The following ITGA9 variants were observed in gnomAD, a reference collection of about 807,000 sequenced individuals.
The protein encoded by ITGA9 is integrin alpha-9.
In ITGA9, 56 loss-of-function variants were observed where a neutral mutation model predicts 127.8. The observed-to-expected ratio is 0.44, with a 90% CI of 0.35 to 0.55. ITGA9 has a LOEUF of 0.55. ITGA9 is among the 20% of genes least tolerant of loss of function. ITGA9 has a pLI of 0.00. For missense variants in ITGA9, 1,196 were observed against 1,347.1 expected (o/e 0.89, Z 1.76); for synonymous variants, 508 against 514.5 (o/e 0.99, Z 0.17).
rs35513893 is a variant in ITGA9 at position 37,549,446 on chromosome 3, G to C, written c.1689+6861G>C. 4.3e-3 allele frequency among the ~76,000 whole-genome samples: 657 copies of C among 152,312 alleles called. 3 individuals are homozygous for C. The highest frequency in any genetic ancestry group is 0.027 in the Middle Eastern group (8 of 294). ...TTCAGTGGTTATCGTAAGCTTATTT[G>C]TACAGTATGTGAGATGCAGTTTGTA... On this transcript the variant is annotated intron_variant, in intron 15 of 27. Transcript: ENST00000264741.
At chr3:37,507,955 G>A (rs765598189) in intron 7 of ITGA9, among the ~76,000 whole-genome samples, 3 of 152,216 alleles carry the variant, frequency 2.0e-5, no homozygotes, top group Non-Finnish European at 4.4e-5. Flanking sequence ...CAGTGGCGAT[G>A]CATAGTTCAC....
chr3:37,474,530 C>T (rs890163337), intron 3 of ITGA9, among the ~76,000 whole-genome samples: 2 of 141,824 alleles, frequency 1.4e-5, no homozygotes, highest in Non-Finnish European at 3.3e-5. Context: ...GCTGTGAGTG[C>T]ACAGCCCGAT....
intron 2 of ITGA9, among the ~76,000 whole-genome samples, chr3:37,473,136 C>CAAAAAAA (rs36109791): frequency 1.6e-4 from 11 of 70,770 alleles, no homozygotes; most frequent in African/African-American, 4.8e-4. Context: ...GAGACTGTCT[C>CAAAAAAA]AAAAAAAAAA....
intron 18 of ITGA9, among the ~76,000 whole-genome samples, chr3:37,709,131 C>A (rs544574249): frequency 2.6e-5 from 4 of 152,140 alleles, no homozygotes; most frequent in Admixed American, 6.6e-5. Flanking sequence ...TAATGTTGAC[C>A]TTATAAATTT....
chr3:37,468,222 C>A (rs1698392511), intron 1 of ITGA9, among the ~76,000 whole-genome samples: 1 of 151,952 alleles, frequency 6.6e-6, no homozygotes, highest in South Asian at 2.1e-4. Flanking sequence ...AGCCTGGGTA[C>A]CTGCACCATT....
intron 22 of ITGA9, chr3:37,748,925 A>T (rs965211346): frequency 1.1e-5 from 8 of 730,526 alleles, no homozygotes; most frequent in Non-Finnish European, 1.7e-5. Flanking sequence ...AAAATGAAAG[A>T]CCTCTGGACT....
At chr3:37,669,287 C>CTTG (rs1271564236) in intron 17 of ITGA9, among the ~76,000 whole-genome samples, 1 of 152,208 alleles carries the variant, frequency 6.6e-6, no homozygotes. Context: ...GGGAGGGTGA[C>CTTG]TTGTTAGCCA....
At chr3:37,471,877 A>G (rs191808) in intron 2 of ITGA9, among the ~76,000 whole-genome samples, 11,285 of 152,212 alleles carry the variant, frequency 0.074, 492 homozygotes, top group Admixed American at 0.12. Context: ...AACATGGTGA[A>G]AGCCTATCTC....
intron 15 of ITGA9, among the ~76,000 whole-genome samples, chr3:37,577,445 A>C (rs1348969557): frequency 6.6e-6 from 1 of 152,232 alleles, no homozygotes; most frequent in East Asian, 1.9e-4. Flanking sequence ...CCAAGCCCAA[A>C]CACTAACAGT....
In ITGA9 at chr3:37,818,894, G is replaced by C. The variant is rs1254827679; in HGVS notation, c.3013G>C (p.Gly1005Arg). The change falls in exon 28 of 28, where the codon GGC becomes CGC. Residue 1005 changes from glycine (G) to arginine (R), a missense_variant. Physicochemically the swap from Gly to Arg is moderately radical, Grantham distance 125 (BLOSUM62 -2). Transcript: ENST00000264741. Reference protein sequence around the residue: ...LLLAVLLWKMGFFRRRYKEII... With the variant: ...LLLAVLLWKMRFFRRRYKEII... ...TCTCTTTCTTTCTGCCTTTCAGATG[G>C]GCTTCTTTCGCCGAAGGTACAAAGA... is the stretch of plus-strand genomic sequence containing the variant. The C allele has an allele frequency of 6.2e-7, 1 of 1,612,518 alleles. No individual in the cohort carries two copies. Among genetic ancestry groups the C allele is most frequent in the South Asian group, 1.1e-5 (1 of 91,018 alleles).
chr3:37,742,946 C>A (rs1696456171), intron 21 of ITGA9, among the ~76,000 whole-genome samples: 1 of 152,220 alleles, frequency 6.6e-6, no homozygotes, highest in Non-Finnish European at 1.5e-5. Flanking sequence ...AAAGGCACAG[C>A]AAGAATATAC....
At chr3:37,643,938 C>G (rs1282261087) in intron 16 of ITGA9, among the ~76,000 whole-genome samples, 1 of 151,922 alleles carries the variant, frequency 6.6e-6, no homozygotes, top group Non-Finnish European at 1.5e-5. Flanking sequence ...TTTTTCTTTT[C>G]TCTGACAGCA....
intron 18 of ITGA9, among the ~76,000 whole-genome samples, chr3:37,690,541 G>A (rs927147092): frequency 6.6e-6 from 1 of 152,192 alleles, no homozygotes; most frequent in African/African-American, 2.4e-5. Flanking sequence ...ACATCTTCAT[G>A]GTATTGACTG....
chr3:37,588,447 G>A (rs1575159216), intron 15 of ITGA9, among the ~76,000 whole-genome samples: 1 of 152,238 alleles, frequency 6.6e-6, no homozygotes, highest in Middle Eastern at 3.4e-3. Flanking sequence ...TGGACCTCAG[G>A]TAGGGTACAC....
chr3:37,635,962 C>A (rs1700274088), intron 16 of ITGA9, among the ~76,000 whole-genome samples: 1 of 151,798 alleles, frequency 6.6e-6, no homozygotes, highest in South Asian at 2.1e-4. Flanking sequence ...GACACGAAGT[C>A]ATCATTTTTT....
intron 23 of ITGA9, among the ~76,000 whole-genome samples, chr3:37,773,404 T>C (rs533572634): frequency 7.9e-5 from 12 of 152,202 alleles, no homozygotes; most frequent in Non-Finnish European, 1.5e-4. Context: ...GACAGGGAAT[T>C]TGGAGACCTA....
At chr3:37,560,456 G>T (rs779910812) in intron 15 of ITGA9, among the ~76,000 whole-genome samples, 1 of 152,046 alleles carries the variant, frequency 6.6e-6, no homozygotes, top group Non-Finnish European at 1.5e-5. Context: ...TAATCCTTTG[G>T]GTATATACCC....
At chr3:37,634,734 A>G (rs989922524) in intron 16 of ITGA9, among the ~76,000 whole-genome samples, 2 of 152,138 alleles carry the variant, frequency 1.3e-5, no homozygotes, top group African/African-American at 4.8e-5. Context: ...CTTAAACTAC[A>G]CTCTAGAATA....
At chr3:37,818,692 G>T (rs189699202) in intron 27 of ITGA9, 199 bp from the exon 28 acceptor site, 1 of 619,222 alleles carries the variant, frequency 1.6e-6, no homozygotes, top group Non-Finnish European at 2.9e-6. Context: ...AATATCACCC[G>T]CAGGAAGTCC....
Sources: allele counts gnomAD v4.1 joint callset (sites outside exome capture counted in the v4.1 genomes callset), GRCh38; gene constraint gnomAD v4.1.1; transcripts MANE v1.5; gene names NCBI Gene and HGNC (gene_info 2026-07-23, HGNC 2026-07-21).